ACO2: variants seen among roughly 807,000 people sequenced by gnomAD.
ACO2 encodes the protein aconitase 2, also known as aconitate hydratase, mitochondrial.
In ACO2, 31 loss-of-function variants were observed where a neutral mutation model predicts 84.5. The ratio of observed to expected loss-of-function variants is 0.37; its 90% CI spans 0.28 to 0.50. The LOEUF (loss-of-function observed/expected upper bound fraction) is 0.50, where lower values mean the gene tolerates loss of function less well. Among genes scored for constraint, ACO2 ranks in the 20% least tolerant of loss-of-function variants. The probability of loss-of-function intolerance (pLI) is 0.97; values close to 1 mark genes in which losing one functional copy is unlikely to be tolerated. For synonymous variants in ACO2, 414 were observed against 412.7 expected (o/e 1.00, Z -0.04); for missense variants, 685 against 1,029.3 (o/e 0.67, Z 4.58).
At chr22:41,517,412 A>T in intron 6 of ACO2, 115 bp from the exon 7 acceptor site, 1 of 821,760 alleles carries the variant, frequency 1.2e-6, no homozygotes. Flanking sequence ...CATCTCTCTG[A>T]GTGGGAGGAG....
chr22:41,523,589 C>T (rs2066545588), intron 11 of ACO2, among the ~76,000 whole-genome samples: 1 of 152,210 alleles, frequency 6.6e-6, no homozygotes, highest in South Asian at 2.1e-4. Context: ...TCAGGAAACT[C>T]AGGCCTTGAC....
At chr22:41,502,036 A>G (rs1404473059) in intron 2 of ACO2, among the ~76,000 whole-genome samples, 1 of 152,026 alleles carries the variant, frequency 6.6e-6, no homozygotes, top group Non-Finnish European at 1.5e-5. Flanking sequence ...GCAGGTAACA[A>G]AATTGAAAGT....
At chr22:41,482,330 G>C (rs533638317) in intron 1 of ACO2, among the ~76,000 whole-genome samples, 9 of 152,358 alleles carry the variant, frequency 5.9e-5, no homozygotes, top group Admixed American at 2.6e-4. Context: ...GTAGCACAGG[G>C]AGAAAGTCTC....
At chr22:41,495,325 G>C (rs898500892) in intron 1 of ACO2, among the ~76,000 whole-genome samples, 3 of 152,150 alleles carry the variant, frequency 2.0e-5, no homozygotes, top group Non-Finnish European at 2.9e-5. Flanking sequence ...GAGCCACTGT[G>C]CCTGGCCTGT....
At chr22:41,473,363 G>C (rs575901004) in intron 1 of ACO2, among the ~76,000 whole-genome samples, 2 of 152,266 alleles carry the variant, frequency 1.3e-5, no homozygotes, top group South Asian at 4.1e-4. Flanking sequence ...AATAAGCCGG[G>C]TGTGGTGGCA....
chr22:41,473,194 A>G (rs573930658), intron 1 of ACO2, among the ~76,000 whole-genome samples: 1 of 151,988 alleles, frequency 6.6e-6, no homozygotes, highest in Non-Finnish European at 1.5e-5. Flanking sequence ...TTTCAAACCA[A>G]CTGCTTCACA....
At position 41,518,488 on chromosome 22, in the gene ACO2, C is replaced by T; in HGVS notation, c.948C>T (p.Ala316=). ...GTCCCTTGTTGATTTCAGACATTGC[C>T]AATCTAGCTGATGAATTCAAGGATC... The part of the protein sequence containing the change: ...YLSKTGREDI[A]NLADEFKDHL... The change falls in exon 8 of 18, where the codon GCC becomes GCT. Residue 316 remains alanine (A), a synonymous_variant. Coordinates refer to ENST00000216254, the MANE Select transcript of ACO2 (RefSeq NM_001098.3). The T allele has an allele frequency of 1.9e-6, 3 of 1,613,172 alleles. No homozygotes were observed. The highest frequency in any genetic ancestry group is 2.5e-6 in the Non-Finnish European group (3 of 1,179,486).
intron 6 of ACO2, chr22:41,517,258 G>A (rs1042564973): frequency 2.3e-6 from 1 of 441,698 alleles, no homozygotes; most frequent in African/African-American, 2.0e-5. Context: ...CAGTGTGTGG[G>A]GGCTGAATCT....
At chr22:41,506,414 G>A (rs949668941) in intron 2 of ACO2, among the ~76,000 whole-genome samples, 1 of 152,048 alleles carries the variant, frequency 6.6e-6, no homozygotes, top group Non-Finnish European at 1.5e-5. Context: ...CACCACGCCT[G>A]GCTAATTTTT....
intron 1 of ACO2, among the ~76,000 whole-genome samples, chr22:41,485,529 C>G (rs1174939097): frequency 6.7e-6 from 1 of 149,246 alleles, no homozygotes; most frequent in Admixed American, 6.7e-5. Flanking sequence ...CAGGCTCCAC[C>G]TCTCAGGTTC....
chr22:41,475,391 T>C (rs940546819), intron 1 of ACO2, among the ~76,000 whole-genome samples: 9 of 151,832 alleles, frequency 5.9e-5, no homozygotes, highest in African/African-American at 2.2e-4. Flanking sequence ...CAAGCTGGTC[T>C]TGAACTCCTG....
At chr22:41,484,941 C>CT (rs2038134419) in intron 1 of ACO2, among the ~76,000 whole-genome samples, 2 of 142,224 alleles carry the variant, frequency 1.4e-5, no homozygotes, top group Non-Finnish European at 3.0e-5. Context: ...ATGGTGCAGT[C>CT]TCAGCTCACT....
intron 1 of ACO2, among the ~76,000 whole-genome samples, chr22:41,475,050 G>C (rs1240993713): frequency 1.3e-5 from 2 of 151,442 alleles, no homozygotes; most frequent in Non-Finnish European, 2.9e-5. Flanking sequence ...TCGAGTATGA[G>C]CATATTGTCT....
At chr22:41,508,670 G>A (rs1023951797) in intron 3 of ACO2, among the ~76,000 whole-genome samples, 1 of 152,214 alleles carries the variant, frequency 6.6e-6, no homozygotes, top group Non-Finnish European at 1.5e-5. Context: ...CCATGCTGAA[G>A]GCTTTTCCCC....
intron 1 of ACO2, among the ~76,000 whole-genome samples, chr22:41,483,573 C>T (rs1009974350): frequency 6.6e-6 from 1 of 151,740 alleles, no homozygotes; most frequent in Non-Finnish European, 1.5e-5. Flanking sequence ...AGGAGAATCG[C>T]TTGAACCCAG....
At chr22:41,507,731 C>G in intron 2 of ACO2, 60 bp from the exon 3 acceptor site, 1 of 1,565,266 alleles carries the variant, frequency 6.4e-7, no homozygotes, top group Non-Finnish European at 8.7e-7. Context: ...GAGGGAGAGG[C>G]AGGGCGGGAG....
rs747691607 is a variant in ACO2, at chr22:41,528,608, C to T, written c.2338C>T (p.Gln780Ter). 15 of 1,599,538 alleles carry T rather than the reference C, an allele frequency of 9.4e-6. No homozygotes were observed. Among genetic ancestry groups the T allele is most frequent in the Non-Finnish European group, 1.2e-5 (14 of 1,175,148 alleles). The change falls in exon 18 of 18, where the codon CAG becomes TAG. Residue 780 changes from glutamine to a stop codon, truncating the protein, a stop_gained. Transcript: ENST00000216254. LOFTEE classifies it high-confidence loss of function. The stretch of plus-strand genomic sequence containing the variant: ...CCTCAACAGAATGAAGGAACTGCAA[C>T]AGTGAGGGCAGTGCCTCCCCGCCCC... ...SALNRMKELQ[Q>*]
In ACO2 at chr22:41,504,711, C is replaced by CTTTTTTTTTTTTTTTTTTTTTTT. The variant is rs926246283; in HGVS notation, c.174-3072_174-3050dup. 1.9e-4 allele frequency among the ~76,000 whole-genome samples: 9 copies of CTTTTTTTTTTTTTTTTTTTTTTT among 48,604 alleles called. 4 individuals carry two copies. The highest frequency in any genetic ancestry group is 2.3e-4 in the African/African-American group (3 of 12,910). 31.9% of individuals were successfully genotyped at this position (48,604 alleles called of 152,430 possible). A position where few individuals can be genotyped will look rare whatever the true frequency, so the allele number is the denominator to read the frequency against. ...GCCAGCAGATCCAGCACCTTAGGGA[C>CTTTTTTTTTTTTTTTTTTTTTTT]TTTTTTTTTTTTTTTTTTTTTTTTT... is the stretch of plus-strand genomic sequence containing the variant. On this transcript the variant is annotated intron_variant, in intron 2 of 17. Transcript: ENST00000216254.
At position 41,511,906 on chromosome 22, in the gene ACO2, G is replaced by T. The variant is rs773315234; in HGVS notation, c.463G>T (p.Ala155Ser). The stretch of plus-strand genomic sequence containing the variant: ...CAACCAGGAAGTTTATAATTTCCTG[G>T]CAACTGCAGGTGCCAAATATGGCGT... ...DINQEVYNFL[A>S]TAGAKYGVGF... is the part of the protein sequence containing the mutation. Residue 155 changes from alanine (A) to serine (S), a missense_variant, in exon 4 of 18, where the codon GCA becomes TCA. This residue lies in a region of ACO2 where 92 missense variants were observed against 203.7 expected (regional missense o/e 0.45). Transcript: ENST00000216254. 1.9e-6 allele frequency: 3 copies of T among 1,610,674 alleles called. No individual in the cohort carries two copies. The highest frequency in any genetic ancestry group is 2.5e-6 in the Non-Finnish European group (3 of 1,178,772).
Sources: gnomAD v4.1 joint callset for allele counts (sites outside exome capture counted in the v4.1 genomes callset) on GRCh38, gnomAD v4.1.1 for gene constraint, gnomAD v4.1.1 regional missense constraint, MANE v1.5 for transcripts, NCBI Gene and HGNC (gene_info 2026-07-23, HGNC 2026-07-21) for gene names.